NPFFR2: variants seen among roughly 807,000 people sequenced by gnomAD.
NPFFR2 encodes the protein G-protein coupled receptor 74.
Under a neutral mutation model 13.1 loss-of-function variants are expected in NPFFR2, and 15 were observed. That is an observed-to-expected ratio of 1.15 (90% CI 0.77 to 1.76). The LOEUF (loss-of-function observed/expected upper bound fraction) is 1.76, where lower values mean the gene tolerates loss of function less well. Among genes scored for constraint, NPFFR2 ranks in the 40% most tolerant of loss-of-function variants. The probability of loss-of-function intolerance (pLI) is 0.00; values close to 1 mark genes in which losing one functional copy is unlikely to be tolerated. For synonymous variants in NPFFR2, 190 were observed against 175.7 expected, an observed-to-expected ratio of 1.08 and a Z score of -0.65; for missense variants, 572 against 503.5, an observed-to-expected ratio of 1.14 and a Z score of -1.30.
At chr4:72,138,176 G>A (rs1480826542) in intron 3 of NPFFR2, 37 bp downstream of exon 3, 1 of 1,420,208 alleles carries the variant, frequency 7.0e-7, no homozygotes, top group Non-Finnish European at 9.9e-7. Flanking sequence ...AGAAAAATTG[G>A]CATGTCTGCA....
At chr4:72,063,846 T>A (rs1560399356) in intron 1 of NPFFR2, among the ~76,000 whole-genome samples, 1 of 152,200 alleles carries the variant, frequency 6.6e-6, no homozygotes, top group Non-Finnish European at 1.5e-5. Context: ...AGACAATGAT[T>A]TTAAATCTGT....
At chr4:72,060,188 A>T (rs1298588825) in intron 1 of NPFFR2, among the ~76,000 whole-genome samples, 1 of 152,096 alleles carries the variant, frequency 6.6e-6, no homozygotes, top group Admixed American at 6.6e-5. Context: ...AAGTACACCT[A>T]CTTCAATTCT....
At chr4:72,058,163 G>A (rs1358828618) in intron 1 of NPFFR2, among the ~76,000 whole-genome samples, 1 of 151,952 alleles carries the variant, frequency 6.6e-6, no homozygotes, top group East Asian at 1.9e-4. Flanking sequence ...ATCGTGTTGT[G>A]TAGGAGAATG....
chr4:72,138,193 A>G, intron 3 of NPFFR2, 54 bp downstream of exon 3: 1 of 1,146,102 alleles, frequency 8.7e-7, no homozygotes, highest in Admixed American at 1.8e-5. Context: ...TGCAACTAGT[A>G]TACCAGAAAA....
At chr4:72,103,877 A>G (rs955584782) in intron 1 of NPFFR2, among the ~76,000 whole-genome samples, 3 of 152,110 alleles carry the variant, frequency 2.0e-5, no homozygotes, top group African/African-American at 7.2e-5. Context: ...ATCCCAAACT[A>G]TTATAAATAA....
At chr4:72,137,968 ACTTT>A (rs1722469777) in intron 2 of NPFFR2, 68 bp from the exon 3 acceptor site, 8 of 1,203,220 alleles carry the variant, frequency 6.6e-6, no homozygotes, top group Admixed American at 3.7e-5. Flanking sequence ...CGTTTCCACA[ACTTT>A]CTATTTTCAT....
intron 1 of NPFFR2, among the ~76,000 whole-genome samples, chr4:72,112,712 A>G (rs560690668): frequency 6.6e-5 from 10 of 152,012 alleles, no homozygotes; most frequent in Admixed American, 4.6e-4. Context: ...ATGTCTCACA[A>G]TGAGTCATGT....
intron 1 of NPFFR2, among the ~76,000 whole-genome samples, chr4:72,056,551 A>G (rs1388450853): frequency 1.3e-5 from 2 of 152,052 alleles, no homozygotes; most frequent in East Asian, 1.9e-4. Flanking sequence ...AGTAATTTTG[A>G]CTTTCCAGTC....
intron 2 of NPFFR2, among the ~76,000 whole-genome samples, chr4:72,132,948 C>T (rs1478258193): frequency 3.3e-4 from 50 of 152,126 alleles, no homozygotes. Context: ...TGTAGGTTGT[C>T]TCTTTACTCT....
At chr4:72,093,306 T>C (rs28806904) in intron 1 of NPFFR2, among the ~76,000 whole-genome samples, 2,411 of 152,278 alleles carry the variant, frequency 0.016, 38 homozygotes, top group African/African-American at 0.044. Context: ...GACTAGGTGG[T>C]GAAGCAATGA....
At chr4:72,145,310 A>G (rs1255507661) in intron 3 of NPFFR2, among the ~76,000 whole-genome samples, 1 of 148,392 alleles carries the variant, frequency 6.7e-6, no homozygotes, top group Non-Finnish European at 1.5e-5. Flanking sequence ...TGTTATAAAT[A>G]CAAATATATA....
intron 1 of NPFFR2, chr4:72,068,839 T>G (rs1435189924): frequency 2.1e-5 from 1 of 46,788 alleles, no homozygotes. Flanking sequence ...AGGTTCTTAG[T>G]TTTTTTTTTT....
intron 1 of NPFFR2, among the ~76,000 whole-genome samples, chr4:72,050,226 G>A (rs1323805962): frequency 6.6e-6 from 1 of 152,106 alleles, no homozygotes; most frequent in Non-Finnish European, 1.5e-5. Flanking sequence ...TACAAACCAA[G>A]AACAAATAAT....
At chr4:72,086,702 C>T (rs920700668) in intron 1 of NPFFR2, among the ~76,000 whole-genome samples, 2 of 152,062 alleles carry the variant, frequency 1.3e-5, no homozygotes, top group Non-Finnish European at 2.9e-5. Context: ...TTTAAAATCT[C>T]ATTAACCATA....
intron 1 of NPFFR2, among the ~76,000 whole-genome samples, chr4:72,044,340 A>G (rs1273670218): frequency 6.6e-6 from 1 of 152,186 alleles, no homozygotes; most frequent in Non-Finnish European, 1.5e-5. Flanking sequence ...TAGGTCTTAC[A>G]TTTAAGTCTT....
At chr4:72,146,763 C>G in intron 3 of NPFFR2, 1 of 536,052 alleles carries the variant, frequency 1.9e-6, no homozygotes, top group Admixed American at 3.5e-5. Flanking sequence ...TTAATAGTGT[C>G]TGCTATACTC....
chr4:72,032,666 C>A (rs1164714756), intron 1 of NPFFR2, among the ~76,000 whole-genome samples: 1 of 152,180 alleles, frequency 6.6e-6, no homozygotes, highest in East Asian at 1.9e-4. Context: ...TTCTGAGCTG[C>A]GTACAGGACA....
intron 1 of NPFFR2, among the ~76,000 whole-genome samples, chr4:72,051,417 G>A (rs1421608004): frequency 1.3e-5 from 2 of 151,910 alleles, no homozygotes; most frequent in Non-Finnish European, 2.9e-5. Flanking sequence ...CGAAATGGAG[G>A]CAGAAATAAA....
chr4:72,119,848 G>C (rs963530747), intron 1 of NPFFR2, among the ~76,000 whole-genome samples: 1 of 152,152 alleles, frequency 6.6e-6, no homozygotes, highest in Non-Finnish European at 1.5e-5. Context: ...ATAAAACTGG[G>C]GATCATTTGG....
Sources: allele counts gnomAD v4.1 joint callset (sites outside exome capture counted in the v4.1 genomes callset), GRCh38; gene constraint gnomAD v4.1.1; transcripts MANE v1.5; gene names NCBI Gene and HGNC (gene_info 2026-07-23, HGNC 2026-07-21).